NDUFV2: variants seen among roughly 807,000 people sequenced by gnomAD.
NDUFV2 encodes NADH dehydrogenase [ubiquinone] flavoprotein 2, mitochondrial.
In NDUFV2, 18 loss-of-function variants were observed where a neutral mutation model predicts 31.6. The observed-to-expected ratio is 0.57, with a 90% confidence interval of 0.39 to 0.84. NDUFV2 has a LOEUF of 0.84. Among genes scored for constraint, NDUFV2 ranks in the 40% least tolerant of loss-of-function variants. The probability of loss-of-function intolerance (pLI) is 0.00; values close to 1 mark genes in which losing one functional copy is unlikely to be tolerated. For missense variants in NDUFV2, 314 were observed against 303.6 expected (o/e 1.03, Z -0.26); for synonymous variants, 83 against 99.8 (o/e 0.83, Z 1.01).
intron 4 of NDUFV2, among the ~76,000 whole-genome samples, chr18:9,120,713 G>GT (rs2077928916): frequency 6.6e-6 from 1 of 152,012 alleles, no homozygotes; most frequent in African/African-American, 2.4e-5. Flanking sequence ...AGTTTAGTGA[G>GT]TTACTATCCT....
intron 7 of NDUFV2, among the ~76,000 whole-genome samples, chr18:9,127,297 G>A (rs182836435): frequency 1.3e-5 from 2 of 152,212 alleles, no homozygotes; most frequent in East Asian, 3.9e-4. Flanking sequence ...ACTTGAAATA[G>A]CTACCCTGTC....
At chr18:9,104,097 T>A (rs541584097) in intron 1 of NDUFV2, 526 of 1,591,490 alleles carry the variant, frequency 3.3e-4, no homozygotes, top group Non-Finnish European at 4.1e-4. Flanking sequence ...TGCATAAGAT[T>A]TTTCCTGAAG....
chr18:9,119,442 A>T, intron 3 of NDUFV2, 32 bp from the exon 4 acceptor site: 1 of 1,603,904 alleles, frequency 6.2e-7, no homozygotes, highest in South Asian at 1.1e-5. Flanking sequence ...TATTTTCTAG[A>T]TGTATAAAAT....
chr18:9,124,310 GCTGTGTCTCC>G (rs933973004), intron 5 of NDUFV2, among the ~76,000 whole-genome samples: 2 of 150,874 alleles, frequency 1.3e-5, no homozygotes, highest in Non-Finnish European at 2.9e-5. Context: ...TTTTTGTAGA[GCTGTGTCTCC>G]CTATGTTGCC....
intron 7 of NDUFV2, among the ~76,000 whole-genome samples, chr18:9,129,264 CT>C (rs1452068468): frequency 6.6e-6 from 1 of 152,116 alleles, no homozygotes; most frequent in African/African-American, 2.4e-5. Context: ...GAATCTTCTG[CT>C]TTGCTTCTTG....
chr18:9,121,191 A>G (rs1474476068), intron 4 of NDUFV2: 1 of 152,170 alleles, frequency 6.6e-6, no homozygotes, highest in Non-Finnish European at 1.5e-5. Context: ...TGCACTTTAC[A>G]TTTGGGACTT....
In NDUFV2 at chr18:9,106,009, T is replaced by A. The variant is rs192182909; in HGVS notation, c.54+3212T>A. ...GATACGTTGTAGAGGCTCTAGATCC[T>A]GTTTTATTCCTCCAAATAGTGTGTT... On this transcript the variant is annotated intron_variant, in intron 1 of 7. Transcript: ENST00000318388. Among the ~76,000 whole-genome samples, 222 of 152,362 alleles carry A rather than the reference T, an allele frequency of 1.5e-3. 1 individual carries two copies. Among genetic ancestry groups the A allele is most frequent in the Non-Finnish European group, 1.3e-3 (91 of 68,042 alleles).
At position 9,126,305 on chromosome 18, in the gene NDUFV2, C is replaced by T. The variant is rs115810032; in HGVS notation, c.580-526C>T. Among the ~76,000 whole-genome samples, 1,124 of 152,232 alleles carry T rather than the reference C, an allele frequency of 7.4e-3. 15 individuals carry two copies. Among genetic ancestry groups the T allele is most frequent in the African/African-American group, 0.026 (1,075 of 41,524 alleles). On this transcript the variant is annotated intron_variant, in intron 6 of 7. Coordinates refer to ENST00000318388, the MANE Select transcript of NDUFV2 (RefSeq NM_021074.5). Reference sequence around the variant, plus strand: ...TAATACAGCATTTATTTAGTATGTACGTTGACACTGTTCTACTTTATATAT... The same window carrying T: ...TAATACAGCATTTATTTAGTATGTATGTTGACACTGTTCTACTTTATATAT...
chr18:9,102,993 T>C (rs2077822482), intron 1 of NDUFV2, 196 bp downstream of exon 1: 1 of 549,730 alleles, frequency 1.8e-6, no homozygotes, highest in Non-Finnish European at 3.2e-6. Context: ...GTTGCCATAC[T>C]GGGAAGTGTA....
chr18:9,119,655 T>C (rs374325723), intron 4 of NDUFV2, 65 bp downstream of exon 4: 9 of 1,303,136 alleles, frequency 6.9e-6, no homozygotes, highest in African/African-American at 5.8e-5. Context: ...TTTCCTTTTA[T>C]AGAAATTACT....
At chr18:9,110,527 G>A (rs896913475) in intron 1 of NDUFV2, among the ~76,000 whole-genome samples, 41 of 151,788 alleles carry the variant, frequency 2.7e-4, no homozygotes, top group Non-Finnish European at 3.8e-4. Flanking sequence ...CTACTTTTTT[G>A]AGACAGGGTC....
chr18:9,104,221 T>G (rs769677243), intron 1 of NDUFV2: 70 of 1,612,558 alleles, frequency 4.3e-5, no homozygotes, highest in Non-Finnish European at 5.4e-5. Context: ...CCTCTGCTGT[T>G]GGAGGTAAGG....
chr18:9,118,829 T>TTTG (rs1555697104), intron 2 of NDUFV2, among the ~76,000 whole-genome samples: 5 of 148,156 alleles, frequency 3.4e-5, no homozygotes, highest in African/African-American at 1.0e-4. Flanking sequence ...TTTTTTTTTT[T>TTTG]TTTTTTTTTT....
rs769920941 is a variant in NDUFV2 at position 9,119,597 on chromosome 18, G to T, written c.300+7G>T. The T allele has an allele frequency of 1.2e-6, 2 of 1,605,282 alleles. No homozygotes were observed. The highest frequency in any genetic ancestry group is 1.1e-5 in the South Asian group (1 of 90,908). On this transcript the variant is annotated splice_region_variant and intron_variant, in intron 4 of 7. Coordinates refer to ENST00000318388, the MANE Select transcript of NDUFV2 (RefSeq NM_021074.5). Reference sequence around the variant, plus strand: ...CATCTCTGCTATGAACAAGGTACTGGATTCATTTTTGCCTTAGTTCTAAAA... The same window carrying T: ...CATCTCTGCTATGAACAAGGTACTGTATTCATTTTTGCCTTAGTTCTAAAA...
chr18:9,107,643 T>G (rs974423631), intron 1 of NDUFV2, among the ~76,000 whole-genome samples: 1 of 152,196 alleles, frequency 6.6e-6, no homozygotes, highest in Admixed American at 6.5e-5. Context: ...AAGTCCTGTT[T>G]TGTTTTGTTT....
intron 1 of NDUFV2, 44 bp downstream of exon 1, chr18:9,102,841 C>A: frequency 1.3e-6 from 2 of 1,529,810 alleles, no homozygotes; most frequent in Non-Finnish European, 1.8e-6. Context: ...CCGCCCTTCT[C>A]TTGCTCTCCG....
intron 7 of NDUFV2, chr18:9,132,515 A>G (rs2078048706): frequency 6.6e-6 from 1 of 152,218 alleles, no homozygotes; most frequent in Non-Finnish European, 1.5e-5. Context: ...GTAAAGGTGA[A>G]GAAAGTTTCT....
intron 1 of NDUFV2, chr18:9,117,545 C>A (rs1406104931): frequency 2.8e-6 from 1 of 355,878 alleles, no homozygotes; most frequent in Non-Finnish European, 5.3e-6. Flanking sequence ...ATTAATTCTC[C>A]AAATGCATGC....
chr18:9,118,004 T>C, intron 2 of NDUFV2, 101 bp downstream of exon 2: 3 of 797,364 alleles, frequency 3.8e-6, no homozygotes, highest in Middle Eastern at 2.5e-4. Context: ...GTCTTTGATA[T>C]ATGATGGTCA....
Sources: allele counts gnomAD v4.1 joint callset (sites outside exome capture counted in the v4.1 genomes callset), GRCh38; gene constraint gnomAD v4.1.1; transcripts MANE v1.5; gene names NCBI Gene and HGNC (gene_info 2026-07-23, HGNC 2026-07-21).